The following LSG1 variants were observed in gnomAD, a reference collection of about 807,000 sequenced individuals.
LSG1 encodes large 60S subunit nuclear export GTPase 1, also known as large subunit GTPase 1 homolog.
Under a neutral mutation model 82.6 loss-of-function variants are expected in LSG1, and 55 were observed. That is an observed-to-expected ratio of 0.67 (90% CI 0.54 to 0.83). The LOEUF (loss-of-function observed/expected upper bound fraction) is 0.83, where lower values mean the gene tolerates loss of function less well. Ranked by LOEUF, LSG1 falls within the 40% of genes least tolerant of loss-of-function variation. The pLI is 0.00. For synonymous variants in LSG1, 272 were observed against 282.5 expected, an observed-to-expected ratio of 0.96 and a Z score of 0.37; for missense variants, 809 against 807.9, an observed-to-expected ratio of 1.00 and a Z score of -0.02.
rs869253961 is a variant in LSG1, at chr3:194,644,379, AAT to A, written c.1797+192_1797+193del. On this transcript the variant is annotated intron_variant, in intron 13 of 13. Coordinates refer to ENST00000265245, the MANE Select transcript of LSG1 (RefSeq NM_018385.3). ...GCGAGACTCCGTCTCAAAAAAAAAA[AAT>A]AAAAATAAATAAATAAATAAATAAA... 4.1e-3 allele frequency among the ~76,000 whole-genome samples: 321 copies of A among 79,148 alleles called. 14 individuals carry two copies. The highest frequency in any genetic ancestry group is 6.0e-3 in the Non-Finnish European group (220 of 36,400). 51.9% of individuals were successfully genotyped at this position (79,148 alleles called of 152,430 possible).
chr3:194,641,783 T>A lies in LSG1; in HGVS notation c.*285A>T. On this transcript the variant is annotated 3_prime_UTR_variant, in exon 14 of 14. Coordinates refer to ENST00000265245, the MANE Select transcript of LSG1 (RefSeq NM_018385.3). ...TGCGCGCCACCACGCCTGGCTAATTTTTTTGTATTTTTAGTAGAGACGGGG... is the reference window on the plus strand; with the variant it reads ...TGCGCGCCACCACGCCTGGCTAATTATTTTGTATTTTTAGTAGAGACGGGG... 4.1e-6 allele frequency: 1 copy of A among 243,930 alleles called. No homozygotes were observed. Among genetic ancestry groups the A allele is most frequent in the East Asian group, 8.1e-5 (1 of 12,402 alleles). 15.1% of individuals were successfully genotyped at this position (243,930 alleles called of 1,614,324 possible). A position where few individuals can be genotyped will look rare whatever the true frequency, so the allele number is the denominator to read the frequency against.
At chr3:194,645,251 A>AACCT (rs1431028792) in intron 12 of LSG1, 1 of 152,308 alleles carries the variant, frequency 6.6e-6, no homozygotes, top group African/African-American at 2.4e-5. Flanking sequence ...GTAAGTGGTA[A>AACCT]ACGAATACAT....
chr3:194,640,804 G>C lies in LSG1; in HGVS notation c.*1264C>G, dbSNP rs1718355314. 1 of 151,392 alleles carries C rather than the reference G, an allele frequency of 6.6e-6. No homozygotes were observed. Among genetic ancestry groups the C allele is most frequent in the Non-Finnish European group, 1.5e-5 (1 of 67,934 alleles). The allele number at this position is 151,392 out of a possible 1,614,324, so 9.4% of individuals were successfully genotyped here. ...CAGAGACAGTAATTTATAAAGAAAA[G>C]AGGTTTAATTGGCTCACGGTCCTGT... On this transcript the variant is annotated 3_prime_UTR_variant, in exon 14 of 14. Transcript: ENST00000265245.
chr3:194,662,331 A>C (rs548954333), intron 5 of LSG1, among the ~76,000 whole-genome samples: 1 of 152,360 alleles, frequency 6.6e-6, no homozygotes, highest in African/African-American at 2.4e-5. Flanking sequence ...GCACAGGGAA[A>C]ATGGGAAAGA....
chr3:194,666,595 T>C, intron 2 of LSG1, 23 bp from the exon 3 acceptor site: 1 of 1,599,930 alleles, frequency 6.3e-7, no homozygotes, highest in Non-Finnish European at 8.5e-7. Context: ...AGAAAAGTAC[T>C]ATTACTTAAG....
intron 6 of LSG1, 35 bp downstream of exon 6, chr3:194,660,038 G>A (rs767526256): frequency 6.4e-7 from 1 of 1,573,730 alleles, no homozygotes; most frequent in Non-Finnish European, 8.7e-7. Flanking sequence ...GCTACTCAAA[G>A]GACTGATGTT....
rs1395757240 is a variant in LSG1 at position 194,644,368 on chromosome 3, C to CAAA, written c.1797+202_1797+204dup. Among the ~76,000 whole-genome samples the CAAA allele has an allele frequency of 2.3e-4, 14 of 62,004 alleles. 1 individual carries two copies. The highest frequency in any genetic ancestry group is 3.0e-4 in the Non-Finnish European group (9 of 29,530). 40.7% of individuals were successfully genotyped at this position (62,004 alleles called of 152,430 possible). On this transcript the variant is annotated intron_variant, in intron 13 of 13. Transcript: ENST00000265245. ...TGGGCGACAGAGCGAGACTCCGTCTCAAAAAAAAAAAATAAAAATAAATAA... is the reference window on the plus strand; with the variant it reads ...TGGGCGACAGAGCGAGACTCCGTCTCAAAAAAAAAAAAAAATAAAAATAAATAA...
chr3:194,653,165 C>T, intron 7 of LSG1, 23 bp from the exon 8 acceptor site: 1 of 1,601,902 alleles, frequency 6.2e-7, no homozygotes, highest in Non-Finnish European at 8.5e-7. Context: ...TAGAAACGCT[C>T]AGAAGTATAT....
rs569332344 is a variant in LSG1, at chr3:194,654,784, AAAAG to A, written c.760-1646_760-1643del. On this transcript the variant is annotated intron_variant, in intron 7 of 13. Coordinates refer to ENST00000265245, the MANE Select transcript of LSG1 (RefSeq NM_018385.3). ...CTTTGCCGTAATTATGTTAAAAATT[AAAAG>A]AAAGAAGGAAAAAGTCAAGCTTTCG... Among the ~76,000 whole-genome samples, 4 of 152,344 alleles carry A rather than the reference AAAAG, an allele frequency of 2.6e-5. No homozygotes were observed. In the South Asian group the frequency reaches 6.2e-4, roughly 24 times the overall value.
chr3:194,659,847 A>G lies in LSG1; in HGVS notation c.582+226T>C, dbSNP rs1460504177. ...AGTGGCTTCTAAACTAAAAGCTAGA[A>G]AGCTCATTTAAGTGTCTGTGCCTTC... is the stretch of plus-strand genomic sequence containing the variant. On this transcript the variant is annotated intron_variant, in intron 6 of 13. Coordinates refer to ENST00000265245, the MANE Select transcript of LSG1 (RefSeq NM_018385.3). Among the ~76,000 whole-genome samples the G allele has an allele frequency of 2.0e-5, 3 of 152,380 alleles. No individual in the cohort carries two copies. In the East Asian group the frequency reaches 5.8e-4, roughly 29 times the overall value.
intron 10 of LSG1, chr3:194,649,014 G>A (rs1415763514): frequency 2.2e-6 from 1 of 462,516 alleles, no homozygotes; most frequent in Non-Finnish European, 3.8e-6. Flanking sequence ...TTTTCCATAT[G>A]AATTCATTTA....
At chr3:194,644,507 A>G in intron 13 of LSG1, 66 bp downstream of exon 13, 1 of 1,263,050 alleles carries the variant, frequency 7.9e-7, no homozygotes, top group Non-Finnish European at 1.1e-6. Context: ...ATGGCATGTG[A>G]TACTCAATAA....
In LSG1 at chr3:194,659,049, T is replaced by G. The variant is rs777112656; in HGVS notation, c.667A>C (p.Ser223Arg). 1 of 1,614,200 alleles carries G rather than the reference T, an allele frequency of 6.2e-7. No homozygotes were observed. The stretch of plus-strand genomic sequence containing the variant: ...TTTTCGAAGTACATGGCCCAGGCAC[T>G]CCGCTGCTCAGCAGTCAGCAAGTCT... ...KADLLTAEQR[S>R]AWAMYFEKED... Residue 223 changes from serine (S) to arginine (R), a missense_variant, in exon 7 of 14, where the codon AGT becomes CGT. Coordinates refer to ENST00000265245, the MANE Select transcript of LSG1 (RefSeq NM_018385.3).
At chr3:194,653,766 C>A (rs183873073) in intron 7 of LSG1, among the ~76,000 whole-genome samples, 8 of 151,880 alleles carry the variant, frequency 5.3e-5, no homozygotes, top group Admixed American at 2.0e-4. Flanking sequence ...CCGGGTGCTA[C>A]GGCTCACGCC....
chr3:194,667,942 A>AAAAAAAT (rs1416407494), intron 2 of LSG1, among the ~76,000 whole-genome samples: 5 of 86,952 alleles, frequency 5.8e-5, no homozygotes, highest in African/African-American at 9.7e-5. Flanking sequence ...AAAAAAAAAA[A>AAAAAAAT]ATATATATAT....
chr3:194,651,469 T>C (rs1295242374), intron 8 of LSG1: 2 of 466,502 alleles, frequency 4.3e-6, no homozygotes, highest in African/African-American at 2.0e-5. Flanking sequence ...TAACAGCAGA[T>C]GCTACAGAAA....
At position 194,651,310 on chromosome 3, in the gene LSG1, C is replaced by T. The variant is rs995789937; in HGVS notation, c.1174-94G>A. 1.9e-5 allele frequency: 15 copies of T among 810,782 alleles called. No individual in the cohort carries two copies. In the African/African-American group the frequency reaches 2.1e-4, roughly 11 times the overall value. 50.2% of individuals were successfully genotyped at this position (810,782 alleles called of 1,614,324 possible). A position where few individuals can be genotyped will look rare whatever the true frequency, so the allele number is the denominator to read the frequency against. ...TAGATGGTGGCAAGACTAGCATAAG[C>T]ATCTGGTTACTTTAGAAAATTATTT... On this transcript the variant is annotated intron_variant, in intron 8 of 13. Coordinates refer to ENST00000265245, the MANE Select transcript of LSG1 (RefSeq NM_018385.3).
intron 4 of LSG1, 80 bp from the exon 5 acceptor site, chr3:194,665,723 AC>A (rs1719018127): frequency 1.3e-6 from 1 of 756,066 alleles, no homozygotes; most frequent in Non-Finnish European, 2.2e-6. Context: ...CAAATTTATT[AC>A]ATTAAAAATA....
At chr3:194,670,775 T>C (rs1041300140) in intron 1 of LSG1, among the ~76,000 whole-genome samples, 2 of 152,034 alleles carry the variant, frequency 1.3e-5, no homozygotes, top group Non-Finnish European at 2.9e-5. Context: ...ATATACTTAG[T>C]ATAGATACAA....
Sources: allele counts gnomAD v4.1 joint callset (sites outside exome capture counted in the v4.1 genomes callset), GRCh38; gene constraint gnomAD v4.1.1; transcripts MANE v1.5; gene names NCBI Gene and HGNC (gene_info 2026-07-23, HGNC 2026-07-21).